The following PCDHA9 variants were observed in gnomAD, a reference collection of about 807,000 sequenced individuals.
PCDHA9 encodes protocadherin alpha 9, also known as protocadherin alpha-9.
PCDHA9 carries 62 observed loss-of-function variants against 62.0 expected under a neutral mutation model. The observed-to-expected ratio is 1.00, with a 90% confidence interval of 0.81 to 1.23. PCDHA9 has a LOEUF of 1.23. Ranked by LOEUF, PCDHA9 falls within the 50% of genes most tolerant of loss-of-function variation. PCDHA9 has a pLI of 0.00. For synonymous variants in PCDHA9, 557 were observed against 567.6 expected (o/e 0.98, Z 0.27); for missense variants, 1,205 against 1,249.8 (o/e 0.96, Z 0.54).
chr5:140,937,964 A>G (rs1298140144), intron 1 of PCDHA9, among the ~76,000 whole-genome samples: 1 of 152,164 alleles, frequency 6.6e-6, no homozygotes, highest in East Asian at 1.9e-4. Flanking sequence ...GAAAGTATAT[A>G]GAAATAATAC....
chr5:140,854,159 CAAA>C (rs59855104), intron 1 of PCDHA9: 332 of 340,956 alleles, frequency 9.7e-4, no homozygotes, highest in Non-Finnish European at 1.1e-3. Context: ...GATTCTGTCT[CAAA>C]AAAAAAAAAA....
chr5:140,899,171 A>G (rs1302003338), intron 1 of PCDHA9, among the ~76,000 whole-genome samples: 1 of 152,058 alleles, frequency 6.6e-6, no homozygotes, highest in Non-Finnish European at 1.5e-5. Context: ...TCCTAATTGA[A>G]TACCCTTTAT....
chr5:140,848,408 A>G lies in PCDHA9; in HGVS notation c.-88A>G. On this transcript the variant is annotated 5_prime_UTR_variant, in exon 1 of 4. Coordinates refer to ENST00000532602, the MANE Select transcript of PCDHA9 (RefSeq NM_031857.2). The stretch of plus-strand genomic sequence containing the variant: ...CTCTCTCTGTGCTGAACGATGGCGA[A>G]CACAGCAGAATGGGACTGACGAAAT... 7.4e-7 allele frequency: 1 copy of G among 1,352,390 alleles called. No homozygotes were observed. The highest frequency in any genetic ancestry group is 2.3e-5 in the East Asian group (1 of 43,798). The allele number at this position is 1,352,390 out of a possible 1,614,324, so 83.8% of individuals were successfully genotyped here.
At chr5:140,938,424 T>C (rs960926721) in intron 1 of PCDHA9, among the ~76,000 whole-genome samples, 1 of 152,204 alleles carries the variant, frequency 6.6e-6, no homozygotes, top group African/African-American at 2.4e-5. Flanking sequence ...TTTGCAAAAA[T>C]CCTTTATCAG....
At chr5:140,975,795 CT>C (rs1219508800) in intron 1 of PCDHA9, among the ~76,000 whole-genome samples, 2 of 151,168 alleles carry the variant, frequency 1.3e-5, no homozygotes, top group Non-Finnish European at 1.5e-5. Flanking sequence ...TAAATTAAAT[CT>C]TTTTTATAAT....
intron 1 of PCDHA9, chr5:140,856,729 G>T: frequency 1.3e-6 from 2 of 1,595,560 alleles, no homozygotes; most frequent in East Asian, 2.2e-5. Flanking sequence ...CTGTTTCTCT[G>T]CTGATCCTGG....
At chr5:140,982,337 A>T in intron 2 of PCDHA9, 138 bp from the exon 3 acceptor site, 1 of 1,455,066 alleles carries the variant, frequency 6.9e-7, no homozygotes, top group Non-Finnish European at 9.1e-7. Flanking sequence ...CTCAGCAGTA[A>T]TTGCTTCAGT....
intron 1 of PCDHA9, chr5:140,869,512 G>A (rs782635875): frequency 1.9e-6 from 3 of 1,614,072 alleles, no homozygotes; most frequent in Admixed American, 3.3e-5. Flanking sequence ...CTCGCTCAGA[G>A]AACAAAAGCT....
intron 1 of PCDHA9, among the ~76,000 whole-genome samples, chr5:140,911,931 T>C (rs1057514341): frequency 1.8e-4 from 28 of 152,134 alleles, no homozygotes; most frequent in African/African-American, 6.8e-4. Context: ...ACTAATAGGA[T>C]AGATGTATAT....
chr5:140,999,747 C>T (rs2097874058), intron 3 of PCDHA9, among the ~76,000 whole-genome samples: 1 of 152,008 alleles, frequency 6.6e-6, no homozygotes, highest in East Asian at 1.9e-4. Flanking sequence ...AATCTGGGTT[C>T]GCAGCACATG....
intron 1 of PCDHA9, chr5:140,883,321 C>T: frequency 6.2e-7 from 1 of 1,614,120 alleles, no homozygotes; most frequent in South Asian, 1.1e-5. Flanking sequence ...CAGAGGTTAC[C>T]ATCACTTCTT....
chr5:141,007,094 A>G (rs559556000), intron 3 of PCDHA9, among the ~76,000 whole-genome samples: 1 of 152,300 alleles, frequency 6.6e-6, no homozygotes, highest in Admixed American at 6.5e-5. Context: ...AAGAGAGTCT[A>G]GGGCCAAACC....
intron 3 of PCDHA9, among the ~76,000 whole-genome samples, chr5:141,006,716 C>T (rs904868679): frequency 2.0e-5 from 3 of 151,786 alleles, no homozygotes; most frequent in Non-Finnish European, 2.9e-5. Flanking sequence ...ATTTAGGAGG[C>T]AGAAATGACA....
At chr5:140,882,936 C>T (rs782513929) in intron 1 of PCDHA9, 5 of 1,614,082 alleles carry the variant, frequency 3.1e-6, no homozygotes, top group Non-Finnish European at 4.2e-6. Flanking sequence ...CCCGAGCTGA[C>T]TGGCACAGTT....
chr5:140,875,902 G>C (rs192382804), intron 1 of PCDHA9: 14 of 1,614,160 alleles, frequency 8.7e-6, no homozygotes, highest in Non-Finnish European at 1.2e-5. Flanking sequence ...ACCTGTTTCT[G>C]AATCTGCGCC....
chr5:140,902,650 G>C (rs868917041), intron 1 of PCDHA9, among the ~76,000 whole-genome samples: 5 of 152,138 alleles, frequency 3.3e-5, no homozygotes, highest in Admixed American at 1.3e-4. Context: ...AGATTTTGGT[G>C]CACCTGTCAC....
Position 141,011,614 on chromosome 5 carries a change from T to C in PCDHA9, c.*1677T>C, listed in dbSNP as rs1268321894. On this transcript the variant is annotated 3_prime_UTR_variant, in exon 4 of 4. Transcript: ENST00000532602. ...GTGATTCAAGGAATTTTATTTATGG[T>C]CCAGCCAAGAGCCATCTCGTGCCAA... 5 of 153,774 alleles carry C rather than the reference T, an allele frequency of 3.3e-5. No individual in the cohort carries two copies. Among genetic ancestry groups the C allele is most frequent in the African/African-American group, 1.2e-4 (5 of 41,460 alleles). 9.5% of individuals were successfully genotyped at this position (153,774 alleles called of 1,614,324 possible). A position where few individuals can be genotyped will look rare whatever the true frequency, so the allele number is the denominator to read the frequency against.
chr5:140,851,986 C>T, intron 1 of PCDHA9: 1 of 976,230 alleles, frequency 1.0e-6, no homozygotes, highest in Non-Finnish European at 1.2e-6. Context: ...TTAGTGCAAG[C>T]TATTTGTTTG....
chr5:140,930,196 T>A (rs1554207641), intron 1 of PCDHA9: 3 of 152,226 alleles, frequency 2.0e-5, no homozygotes, highest in African/African-American at 7.2e-5. Context: ...AATTTTTATG[T>A]CAGAAATATT....
Sources: allele counts gnomAD v4.1 joint callset (sites outside exome capture counted in the v4.1 genomes callset), GRCh38; gene constraint gnomAD v4.1.1; transcripts MANE v1.5; gene names NCBI Gene and HGNC (gene_info 2026-07-23, HGNC 2026-07-21).